The following NAV3 variants were observed in gnomAD, a reference collection of about 807,000 sequenced individuals.
The protein encoded by NAV3 is neuron navigator 3.
NAV3 carries 87 observed loss-of-function variants against 244.7 expected under a neutral mutation model. That is an observed-to-expected ratio of 0.36 (90% CI 0.30 to 0.42). The LOEUF (loss-of-function observed/expected upper bound fraction) is 0.42, where lower values mean the gene tolerates loss of function less well. NAV3 is among the 20% of genes least tolerant of loss of function. The pLI, the probability that NAV3 is intolerant of heterozygous loss-of-function variation, is 1.00. For missense variants in NAV3, 2,663 were observed against 2,893.3 expected, an observed-to-expected ratio of 0.92 and a Z score of 1.83; for synonymous variants, 1,126 against 1,042.2, an observed-to-expected ratio of 1.08 and a Z score of -1.55.
chr12:77,793,931 C>T (rs1393919879), intron 2 of NAV3, among the ~76,000 whole-genome samples: 1 of 152,172 alleles, frequency 6.6e-6, no homozygotes, highest in Non-Finnish European at 1.5e-5. Flanking sequence ...CTGATTTACA[C>T]TCCCACCAAC....
At position 78,210,997 on chromosome 12, in the gene NAV3, C is replaced by T. The variant is rs73149640; in HGVS notation, c.*480C>T. The T allele has an allele frequency of 1.4e-4, 21 of 154,060 alleles. No homozygotes were observed. The South Asian group carries it at 2.3e-3, about 17-fold the overall frequency. The allele number at this position is 154,060 out of a possible 1,614,324, so 9.5% of individuals were successfully genotyped here. A position where few individuals can be genotyped will look rare whatever the true frequency, so the allele number is the denominator to read the frequency against. ...GGGCTTCAGTAGTGTTTGTGTTGTGCGCTCACCCCATTCCAGAACAAATCC... is the reference window on the plus strand; with the variant it reads ...GGGCTTCAGTAGTGTTTGTGTTGTGTGCTCACCCCATTCCAGAACAAATCC... On this transcript the variant is annotated 3_prime_UTR_variant, in exon 40 of 40. Transcript: ENST00000397909.
chr12:77,799,343 G>A (rs1348609836), intron 2 of NAV3, among the ~76,000 whole-genome samples: 1 of 152,128 alleles, frequency 6.6e-6, no homozygotes, highest in Admixed American at 6.5e-5. Context: ...TATGTGAAAT[G>A]CTTTCATTAA....
intron 12 of NAV3, among the ~76,000 whole-genome samples, chr12:78,082,727 A>G (rs1164785985): frequency 6.6e-6 from 1 of 152,186 alleles, no homozygotes; most frequent in Non-Finnish European, 1.5e-5. Flanking sequence ...CTTTTAAACC[A>G]TGTTTTTAAT....
chr12:77,621,327 A>G (rs533493390), intron 2 of NAV3, among the ~76,000 whole-genome samples: 36 of 152,270 alleles, frequency 2.4e-4, no homozygotes, highest in African/African-American at 8.4e-4. Context: ...CCTCCTACCC[A>G]TCAAAGTTCT....
chr12:77,979,963 A>T (rs1224652165), intron 5 of NAV3, among the ~76,000 whole-genome samples: 2 of 152,094 alleles, frequency 1.3e-5, no homozygotes, highest in Non-Finnish European at 2.9e-5. Flanking sequence ...TCCAACTAAA[A>T]TTAGGGGTTT....
chr12:77,624,859 T>C (rs1265205891), intron 2 of NAV3, among the ~76,000 whole-genome samples: 1 of 152,224 alleles, frequency 6.6e-6, no homozygotes, highest in Non-Finnish European at 1.5e-5. Flanking sequence ...TTTTAGATTG[T>C]ATATTTTTCC....
chr12:77,739,011 CAAAAAAAA>C (rs1168641355), intron 2 of NAV3, among the ~76,000 whole-genome samples: 13 of 64,086 alleles, frequency 2.0e-4, no homozygotes, highest in East Asian at 5.8e-4. Context: ...GACTCCGTCT[CAAAAAAAA>C]AAAAAAAAAA....
intron 2 of NAV3, among the ~76,000 whole-genome samples, chr12:77,755,239 T>C (rs564296516): frequency 1.3e-5 from 2 of 152,204 alleles, no homozygotes; most frequent in Admixed American, 6.5e-5. Flanking sequence ...AGATCACAGG[T>C]CTCTTAAATC....
chr12:77,599,028 AC>A (rs1425984141), intron 2 of NAV3, among the ~76,000 whole-genome samples: 1 of 151,714 alleles, frequency 6.6e-6, no homozygotes, highest in African/African-American at 2.4e-5. Flanking sequence ...CCCATATCCC[AC>A]CTACCCTACT....
chr12:78,061,331 C>CCA (rs2137449945), intron 12 of NAV3, among the ~76,000 whole-genome samples: 1 of 152,242 alleles, frequency 6.6e-6, no homozygotes. Flanking sequence ...ACCCTATTAG[C>CCA]TGTGTTCTGT....
chr12:78,124,055 G>T (rs1955799651), intron 16 of NAV3, among the ~76,000 whole-genome samples: 1 of 152,168 alleles, frequency 6.6e-6, no homozygotes, highest in Non-Finnish European at 1.5e-5. Flanking sequence ...ACCAAACATA[G>T]TGCAAATAGG....
At chr12:77,582,897 A>G (rs758383460) in intron 2 of NAV3, among the ~76,000 whole-genome samples, 3 of 152,230 alleles carry the variant, frequency 2.0e-5, no homozygotes, top group Admixed American at 6.5e-5. Flanking sequence ...GAAATATTAA[A>G]TAAAATACAT....
chr12:77,890,623 T>C (rs1456274726), intron 1 of NAV3, among the ~76,000 whole-genome samples: 1 of 152,212 alleles, frequency 6.6e-6, no homozygotes, highest in East Asian at 1.9e-4. Context: ...AACCTCTGTT[T>C]TTACTTTGAT....
At chr12:78,008,806 A>G (rs1016069777) in intron 8 of NAV3, among the ~76,000 whole-genome samples, 2 of 152,164 alleles carry the variant, frequency 1.3e-5, no homozygotes, top group Non-Finnish European at 2.9e-5. Flanking sequence ...ACTCATTTAA[A>G]ATACTTGTAT....
At chr12:78,027,908 C>T (rs953340507) in intron 9 of NAV3, among the ~76,000 whole-genome samples, 16 of 151,938 alleles carry the variant, frequency 1.1e-4, no homozygotes, top group East Asian at 3.9e-4. Context: ...CTGAAGATAC[C>T]CCTATGGGTA....
At chr12:78,164,289 T>C (rs539404626) in intron 23 of NAV3, among the ~76,000 whole-genome samples, 33 of 152,128 alleles carry the variant, frequency 2.2e-4, no homozygotes, top group African/African-American at 7.5e-4. Context: ...AGTAGCCCCT[T>C]GTATGAGTGA....
chr12:77,876,340 A>T (rs149854612), intron 1 of NAV3, among the ~76,000 whole-genome samples: 2 of 152,168 alleles, frequency 1.3e-5, no homozygotes, highest in East Asian at 3.9e-4. Flanking sequence ...ACAGAGTTTA[A>T]TGCACTCAAG....
At chr12:77,883,724 G>C (rs1254236079) in intron 1 of NAV3, among the ~76,000 whole-genome samples, 1 of 152,132 alleles carries the variant, frequency 6.6e-6, no homozygotes, top group Non-Finnish European at 1.5e-5. Flanking sequence ...TCATGATAAA[G>C]AGAGTTTTTT....
chr12:77,875,685 A>G (rs1881749680), intron 1 of NAV3, among the ~76,000 whole-genome samples: 2 of 152,120 alleles, frequency 1.3e-5, no homozygotes, highest in South Asian at 2.1e-4. Context: ...TATGATTTAT[A>G]TATTTAATTG....
Sources: allele counts gnomAD v4.1 joint callset (sites outside exome capture counted in the v4.1 genomes callset), GRCh38; gene constraint gnomAD v4.1.1; transcripts MANE v1.5; gene names NCBI Gene and HGNC (gene_info 2026-07-23, HGNC 2026-07-21).